Variants in SSH2 observed in about 807,000 individuals in gnomAD.
The protein encoded by SSH2 is slingshot protein phosphatase 2, also known as protein phosphatase Slingshot homolog 2.
Under a neutral mutation model 135.2 loss-of-function variants are expected in SSH2, and 37 were observed. That is an observed-to-expected ratio of 0.27 (90% confidence interval 0.21 to 0.36). The LOEUF is 0.36. Ranked by LOEUF, SSH2 falls within the 10% of genes least tolerant of loss-of-function variation. The pLI is 1.00. For synonymous variants in SSH2, 628 were observed against 646.2 expected (o/e 0.97, Z 0.43); for missense variants, 1,408 against 1,765.3 (o/e 0.80, Z 3.63).
intron 2 of SSH2, among the ~76,000 whole-genome samples, chr17:29,837,593 G>A (rs79094387): frequency 0.026 from 3,968 of 152,144 alleles, 165 homozygotes; most frequent in African/African-American, 0.091. Flanking sequence ...CCCCACCCTC[G>A]CACGGCTGGT....
At chr17:29,685,684 G>T (rs2038182994) in intron 5 of SSH2, among the ~76,000 whole-genome samples, 1 of 151,206 alleles carries the variant, frequency 6.6e-6, no homozygotes, top group Non-Finnish European at 1.5e-5. Flanking sequence ...AGCTACTTAG[G>T]AGGCTGAGGC....
At chr17:29,786,870 C>A (rs952408630) in intron 3 of SSH2, among the ~76,000 whole-genome samples, 1 of 152,030 alleles carries the variant, frequency 6.6e-6, no homozygotes, top group Non-Finnish European at 1.5e-5. Context: ...TGGGACTGAG[C>A]CCATTACTGT....
intron 1 of SSH2, among the ~76,000 whole-genome samples, chr17:29,895,045 T>A (rs2066419613): frequency 6.6e-6 from 1 of 151,332 alleles, no homozygotes; most frequent in Admixed American, 6.6e-5. Flanking sequence ...GACTCTCCAC[T>A]CCAACCACAT....
chr17:29,705,646 C>T (rs1009865160), intron 3 of SSH2, among the ~76,000 whole-genome samples: 4 of 152,192 alleles, frequency 2.6e-5, no homozygotes, highest in Non-Finnish European at 5.9e-5. Flanking sequence ...GCTTGGTCTT[C>T]AAGGACCTGT....
At chr17:29,803,667 G>A (rs1345359661) in intron 2 of SSH2, among the ~76,000 whole-genome samples, 2 of 152,074 alleles carry the variant, frequency 1.3e-5, no homozygotes, top group Non-Finnish European at 2.9e-5. Flanking sequence ...GCCATCTTTC[G>A]ACCCTGGTGA....
At chr17:29,654,915 C>T (rs902675426) in intron 12 of SSH2, among the ~76,000 whole-genome samples, 12 of 152,234 alleles carry the variant, frequency 7.9e-5, no homozygotes, top group Non-Finnish European at 1.3e-4. Context: ...CCACAGAAGA[C>T]GCTCAATCAA....
chr17:29,845,721 G>A (rs533540769), intron 2 of SSH2, among the ~76,000 whole-genome samples: 1 of 151,644 alleles, frequency 6.6e-6, no homozygotes, highest in African/African-American at 2.4e-5. Context: ...CACCATGCCC[G>A]GCTAATTGTT....
intron 6 of SSH2, among the ~76,000 whole-genome samples, chr17:29,680,213 T>C (rs1246190034): frequency 1.4e-4 from 22 of 152,106 alleles, no homozygotes; most frequent in Admixed American, 1.4e-3. Context: ...TAAAGGAGGC[T>C]AGCCCTTAGT....
intron 3 of SSH2, among the ~76,000 whole-genome samples, chr17:29,707,863 A>G (rs1222647217): frequency 1.3e-5 from 2 of 152,232 alleles, no homozygotes; most frequent in East Asian, 3.9e-4. Flanking sequence ...TAGGCGCGAT[A>G]CAGGCTCCCA....
At chr17:29,793,857 C>G (rs943983405) in intron 3 of SSH2, 37 bp downstream of exon 3, 2 of 1,575,764 alleles carry the variant, frequency 1.3e-6, no homozygotes, top group African/African-American at 2.7e-5. Flanking sequence ...AAATATCCTA[C>G]AACAAAAATG....
Position 29,639,184 on chromosome 17 carries a change from C to T in SSH2, c.1428-2382G>A, listed in dbSNP as rs910896132. 2.6e-5 allele frequency among the ~76,000 whole-genome samples: 4 copies of T among 152,182 alleles called. No individual in the cohort carries two copies. In the South Asian group the frequency reaches 8.3e-4, roughly 31 times the overall value. On this transcript the variant is annotated intron_variant, in intron 14 of 15. Coordinates refer to ENST00000540801, the MANE Select transcript of SSH2 (RefSeq NM_001282129.2). ...GGGCCAAAGGAAGACTCCCCTCCAT[C>T]ACCATTTTATGAAAGAGGTCTGAGG...
chr17:29,847,739 G>A (rs1301512473), intron 2 of SSH2, among the ~76,000 whole-genome samples: 1 of 152,218 alleles, frequency 6.6e-6, no homozygotes. Context: ...CCAGCAGACT[G>A]TGACAAGGGC....
In SSH2 at chr17:29,783,781, G is replaced by C. The variant is rs894461119; in HGVS notation, c.188+10113C>G. 3.9e-5 allele frequency among the ~76,000 whole-genome samples: 6 copies of C among 151,998 alleles called. No homozygotes were observed. In the South Asian group the frequency reaches 1.2e-3, roughly 32 times the overall value. On this transcript the variant is annotated intron_variant, in intron 3 of 15. Transcript: ENST00000540801. ...GTGATGTTACCTTTAAGAGTAATTG[G>C]GGGGGCCGGGCGCGGTGGCTCACGC...
intron 2 of SSH2, among the ~76,000 whole-genome samples, chr17:29,799,136 T>C (rs2042208007): frequency 6.6e-6 from 1 of 152,190 alleles, no homozygotes; most frequent in Admixed American, 6.5e-5. Context: ...AGTTCACTCA[T>C]TTTTGATGGG....
At chr17:29,681,850 A>G (rs896200716) in intron 6 of SSH2, among the ~76,000 whole-genome samples, 2 of 152,154 alleles carry the variant, frequency 1.3e-5, no homozygotes, top group Non-Finnish European at 2.9e-5. Context: ...TTCAACAACA[A>G]CTGAGACAGA....
At chr17:29,762,249 C>T (rs1188478871) in intron 3 of SSH2, among the ~76,000 whole-genome samples, 1 of 152,020 alleles carries the variant, frequency 6.6e-6, no homozygotes, top group Non-Finnish European at 1.5e-5. Flanking sequence ...TTGTCGATAA[C>T]ATCTACTAAT....
At chr17:29,720,053 C>T (rs1246575847) in intron 3 of SSH2, among the ~76,000 whole-genome samples, 1 of 152,244 alleles carries the variant, frequency 6.6e-6, no homozygotes. Flanking sequence ...GCCACTGTAC[C>T]TGGCCTACAG....
chr17:29,830,739 G>A (rs1176448610), intron 2 of SSH2, among the ~76,000 whole-genome samples: 1 of 152,098 alleles, frequency 6.6e-6, no homozygotes, highest in African/African-American at 2.4e-5. Context: ...AAGACATAGG[G>A]GTCAGGCAAG....
At chr17:29,734,301 C>T (rs894405013) in intron 3 of SSH2, among the ~76,000 whole-genome samples, 7 of 152,084 alleles carry the variant, frequency 4.6e-5, no homozygotes, top group African/African-American at 1.7e-4. Flanking sequence ...CTTGAGAAAG[C>T]CCAGAAATTG....
Sources: allele counts gnomAD v4.1 joint callset (sites outside exome capture counted in the v4.1 genomes callset), GRCh38; gene constraint gnomAD v4.1.1; transcripts MANE v1.5; gene names NCBI Gene and HGNC (gene_info 2026-07-23, HGNC 2026-07-21).